SLC36A1: variants seen among roughly 807,000 people sequenced by gnomAD.
SLC36A1 encodes the protein proton-coupled amino acid transporter 1.
In SLC36A1, 30 loss-of-function variants were observed where a neutral mutation model predicts 47.5. The observed-to-expected ratio is 0.63, with a 90% CI of 0.47 to 0.86. The LOEUF (loss-of-function observed/expected upper bound fraction) is 0.86. SLC36A1 is among the 40% of genes least tolerant of loss of function. The probability of loss-of-function intolerance (pLI) is 0.00; values close to 1 mark genes in which losing one functional copy is unlikely to be tolerated. For synonymous variants in SLC36A1, 255 were observed against 249.7 expected, an observed-to-expected ratio of 1.02 and a Z score of -0.20; for missense variants, 517 against 606.0, an observed-to-expected ratio of 0.85 and a Z score of 1.54.
chr5:151,498,979 GATCA>G, the SLC36A1 span, among the ~76,000 whole-genome samples: 1 of 152,158 alleles, frequency 6.6e-6, no homozygotes, highest in Admixed American at 6.5e-5. Context: ...TGAGGGCACT[GATCA>G]ATCAGATGAA....
chr5:151,413,705 G>A, the SLC36A1 span, among the ~76,000 whole-genome samples: 4 of 151,978 alleles, frequency 2.6e-5, no homozygotes, highest in African/African-American at 9.7e-5. Flanking sequence ...TGTTGCTTTT[G>A]TGTACTGAGG....
the SLC36A1 span, among the ~76,000 whole-genome samples, chr5:151,431,536 C>T: frequency 6.6e-6 from 1 of 152,064 alleles, no homozygotes; most frequent in African/African-American, 2.4e-5. Flanking sequence ...TTATAACTCC[C>T]ACAATTCCCA....
chr5:151,448,731 T>G (rs1230030538), intron 1 of SLC36A1, among the ~76,000 whole-genome samples: 1 of 152,224 alleles, frequency 6.6e-6, no homozygotes, highest in East Asian at 1.9e-4. Context: ...GAAGATAGCA[T>G]CATGGTGCAA....
chr5:151,545,988 G>A, the SLC36A1 span: 18 of 1,614,058 alleles, frequency 1.1e-5, no homozygotes, highest in African/African-American at 2.0e-4. Context: ...TCTTCTGGGT[G>A]GAAATAAGGC....
At chr5:151,543,060 C>T in the SLC36A1 span, 11 of 1,614,146 alleles carry the variant, frequency 6.8e-6, no homozygotes, top group East Asian at 4.5e-5. Context: ...CAGAAAATTT[C>T]GGTAAGGATA....
At chr5:151,439,945 A>C (rs1011247403) in intron 1 of SLC36A1, among the ~76,000 whole-genome samples, 2 of 152,174 alleles carry the variant, frequency 1.3e-5, no homozygotes, top group African/African-American at 4.8e-5. Flanking sequence ...TTTCAAATTC[A>C]TTTTTCAGCA....
the SLC36A1 span, among the ~76,000 whole-genome samples, chr5:151,364,038 GCAT>G: frequency 6.6e-6 from 1 of 152,148 alleles, no homozygotes; most frequent in African/African-American, 2.4e-5. Context: ...ATTTAATACT[GCAT>G]CTTTATGTTT....
chr5:151,542,052 A>G, the SLC36A1 span, among the ~76,000 whole-genome samples: 490 of 152,308 alleles, frequency 3.2e-3, 4 homozygotes, highest in East Asian at 0.017. Flanking sequence ...GCACTTTCTA[A>G]TGTATAGGTG....
intron 10 of SLC36A1, among the ~76,000 whole-genome samples, chr5:151,486,252 C>G (rs1006179271): frequency 6.6e-6 from 1 of 152,094 alleles, no homozygotes; most frequent in Non-Finnish European, 1.5e-5. Context: ...AACAACAGCT[C>G]TCTCAGGGAG....
chr5:151,463,536 G>T lies in SLC36A1; in HGVS notation c.144-17G>T. On this transcript the variant is annotated splice_polypyrimidine_tract_variant and intron_variant, in intron 2 of 10. Coordinates refer to ENST00000243389, the MANE Select transcript of SLC36A1 (RefSeq NM_078483.4). Reference sequence around the variant, plus strand: ...AACTGTCATGGTTATCATTTCCTTGGCTGTCTTCCACTTCAGATGGTTCCA... The same window carrying T: ...AACTGTCATGGTTATCATTTCCTTGTCTGTCTTCCACTTCAGATGGTTCCA... 6.3e-7 allele frequency: 1 copy of T among 1,590,662 alleles called. No homozygotes were observed. Among genetic ancestry groups the T allele is most frequent in the Non-Finnish European group, 8.6e-7 (1 of 1,158,692 alleles).
the SLC36A1 span, among the ~76,000 whole-genome samples, chr5:151,384,895 A>G: frequency 6.6e-6 from 1 of 152,122 alleles, no homozygotes; most frequent in Admixed American, 6.6e-5. Context: ...AAGATCTTCC[A>G]GTAACAAAAT....
chr5:151,516,374 A>G, the SLC36A1 span, among the ~76,000 whole-genome samples: 1 of 152,046 alleles, frequency 6.6e-6, no homozygotes, highest in Admixed American at 6.6e-5. Context: ...AAAATTAGTG[A>G]GCGTGGTTGC....
At chr5:151,500,061 C>T in the SLC36A1 span, among the ~76,000 whole-genome samples, 1 of 152,200 alleles carries the variant, frequency 6.6e-6, no homozygotes, top group Non-Finnish European at 1.5e-5. Flanking sequence ...CAAATCTGGG[C>T]CCCCTGGCTC....
rs548975831 is a variant in SLC36A1, at chr5:151,447,707, G to C, written c.-112G>C. ...GAAGCCAGAGCCGGAGCCGGAGCTG[G>C]GGCCAGAACCCGAGCAGTGAGTTCC... is the stretch of plus-strand genomic sequence containing the variant. On this transcript the variant is annotated 5_prime_UTR_variant, in exon 1 of 11. Transcript: ENST00000243389. 1 of 151,522 alleles carries C rather than the reference G, an allele frequency of 6.6e-6. No individual in the cohort carries two copies. The highest frequency in any genetic ancestry group is 2.5e-5 in the African/African-American group (1 of 40,702). 9.4% of individuals were successfully genotyped at this position (151,522 alleles called of 1,614,324 possible).
At position 151,479,705 on chromosome 5, in the gene SLC36A1, T is replaced by C. The variant is rs991451880; in HGVS notation, c.1159+216T>C. ...GTAAAGAACATGGGAATGAGGACAGTGGTTTATGTATAGATAGGGTATGAA... is the reference window on the plus strand; with the variant it reads ...GTAAAGAACATGGGAATGAGGACAGCGGTTTATGTATAGATAGGGTATGAA... On this transcript the variant is annotated intron_variant, in intron 10 of 10. Transcript: ENST00000243389. 7.0e-6 allele frequency: 4 copies of C among 573,654 alleles called. No individual in the cohort carries two copies. The Admixed American group carries it at 1.3e-4, about 19-fold the overall frequency. The allele number at this position is 573,654 out of a possible 1,614,324, so 35.5% of individuals were successfully genotyped here. A position where few individuals can be genotyped will look rare whatever the true frequency, so the allele number is the denominator to read the frequency against.
At chr5:151,552,264 G>A in the SLC36A1 span, among the ~76,000 whole-genome samples, 28 of 152,202 alleles carry the variant, frequency 1.8e-4, no homozygotes, top group Non-Finnish European at 3.2e-4. Flanking sequence ...GGGATTACAG[G>A]TGCGAGCCAC....
At chr5:151,382,262 C>A in the SLC36A1 span, 2 of 1,326,138 alleles carry the variant, frequency 1.5e-6, no homozygotes, top group Non-Finnish European at 2.2e-6. Flanking sequence ...AGCCTGGGAG[C>A]TACATAGCAC....
Position 151,447,884 on chromosome 5 carries a change from G to A in SLC36A1, c.-6+71G>A, listed in dbSNP as rs78574275. 1,079 of 152,446 alleles carry A rather than the reference G, an allele frequency of 7.1e-3. 8 individuals are homozygous for A. Among genetic ancestry groups the A allele is most frequent in the Non-Finnish European group, 0.012 (824 of 68,112 alleles). 9.4% of individuals were successfully genotyped at this position (152,446 alleles called of 1,614,324 possible). On this transcript the variant is annotated intron_variant, in intron 1 of 10. Transcript: ENST00000243389. ...CGTCCCCGGGCCGCAGCTGCGGTAC[G>A]ACGCTGACACCCCTCTGTGAATTGG...
At chr5:151,447,451 C>A (rs1166364250), upstream of SLC36A1, 1 of 152,316 alleles carries the variant, frequency 6.6e-6, no homozygotes, top group East Asian at 1.9e-4. Context: ...CAGTCCCCAG[C>A]GCCCAGGAAC....
Sources: gnomAD v4.1 joint callset for allele counts (sites outside exome capture counted in the v4.1 genomes callset) on GRCh38, gnomAD v4.1.1 for gene constraint, MANE v1.5 for transcripts, NCBI Gene and HGNC (gene_info 2026-07-23, HGNC 2026-07-21) for gene names.